FCRL2: variants seen among roughly 807,000 people sequenced by gnomAD.
FCRL2 encodes the protein Fc receptor like 2.
In FCRL2, 48 loss-of-function variants were observed where a neutral mutation model predicts 59.8. That is an observed-to-expected ratio of 0.80 (90% CI 0.64 to 1.02). FCRL2 has a LOEUF of 1.02. Among genes scored for constraint, FCRL2 ranks in the 50% least tolerant of loss-of-function variants. The pLI is 0.00. For synonymous variants in FCRL2, 251 were observed against 229.5 expected (o/e 1.09, Z -0.85); for missense variants, 658 against 597.3 (o/e 1.10, Z -1.06).
intron 7 of FCRL2, among the ~76,000 whole-genome samples, chr1:157,752,852 A>G (rs1648304781): frequency 6.6e-6 from 1 of 152,202 alleles, no homozygotes; most frequent in Non-Finnish European, 1.5e-5. Flanking sequence ...TAATCTCAAA[A>G]TTTAAGAGAA....
chr1:157,770,228 C>A, intron 3 of FCRL2, 78 bp from the exon 4 acceptor site: 2 of 1,536,030 alleles, frequency 1.3e-6, no homozygotes, highest in Non-Finnish European at 8.8e-7. Context: ...CAAGAAGCAA[C>A]CCCAGCAAAC....
Position 157,769,917 on chromosome 1 carries a change from C to T in FCRL2, c.544G>A (p.Val182Met), listed in dbSNP as rs755164058. Residue 182 changes from valine (V) to methionine (M), a missense_variant, in exon 4 of 12, where the codon GTG becomes ATG. Val to Met is a conservative substitution (Grantham distance 21). Coordinates refer to ENST00000361516, the MANE Select transcript of FCRL2 (RefSeq NM_030764.4). The part of the protein sequence containing the change: ...TGSYWCKAET[V>M]THRIRKQSLQ... ...CTCTGTTTTCTGATCCTGTGAGTCACCGTTTCTGCCTTGCACCAGTAAGAC... is the reference window on the plus strand; with the variant it reads ...CTCTGTTTTCTGATCCTGTGAGTCATCGTTTCTGCCTTGCACCAGTAAGAC... 2 of 1,614,192 alleles carry T rather than the reference C, an allele frequency of 1.2e-6. No homozygotes were observed. Among genetic ancestry groups the T allele is most frequent in the Non-Finnish European group, 1.7e-6 (2 of 1,180,020 alleles).
chr1:157,759,153 T>C (rs1306050353), intron 7 of FCRL2, among the ~76,000 whole-genome samples: 1 of 152,172 alleles, frequency 6.6e-6, no homozygotes, highest in Non-Finnish European at 1.5e-5. Context: ...TTTTCCCACT[T>C]TGCTTGGCAC....
At chr1:157,767,578 G>T in intron 5 of FCRL2, 69 bp from the exon 6 acceptor site, 1 of 1,614,212 alleles carries the variant, frequency 6.2e-7, no homozygotes, top group South Asian at 1.1e-5. Context: ...CTCCCAACCT[G>T]CAGGCTCAGC....
intron 2 of FCRL2, among the ~76,000 whole-genome samples, chr1:157,774,952 G>A (rs55905423): frequency 2.2e-3 from 336 of 152,212 alleles, no homozygotes; most frequent in African/African-American, 7.4e-3. Flanking sequence ...TGAAGATTCT[G>A]TATATAGAAT....
At chr1:157,760,532 G>T (rs1480025079) in intron 7 of FCRL2, among the ~76,000 whole-genome samples, 1 of 151,780 alleles carries the variant, frequency 6.6e-6, no homozygotes, top group Non-Finnish European at 1.5e-5. Context: ...GGAGGCTGAG[G>T]CGAGAAAATC....
chr1:157,757,702 C>G (rs1242037872), intron 7 of FCRL2, among the ~76,000 whole-genome samples: 1 of 152,222 alleles, frequency 6.6e-6, no homozygotes, highest in Non-Finnish European at 1.5e-5. Flanking sequence ...GAGGCTTACA[C>G]CTGTAATCCC....
At chr1:157,770,324 G>T in intron 3 of FCRL2, 85 bp downstream of exon 3, 1 of 1,505,752 alleles carries the variant, frequency 6.6e-7, no homozygotes. Context: ...TTTAGCCCAT[G>T]AGCAGCTTTC....
At chr1:157,751,161 C>A (rs549368145) in intron 7 of FCRL2, among the ~76,000 whole-genome samples, 1 of 152,122 alleles carries the variant, frequency 6.6e-6, no homozygotes, top group Non-Finnish European at 1.5e-5. Context: ...AAGATAAAAG[C>A]AGAATTCTAG....
At chr1:157,768,869 A>G in intron 4 of FCRL2, 168 bp from the exon 5 acceptor site, 1 of 692,528 alleles carries the variant, frequency 1.4e-6, no homozygotes, top group East Asian at 2.8e-5. Flanking sequence ...TCCTTCAGGA[A>G]TGTGGATAAA....
intron 7 of FCRL2, among the ~76,000 whole-genome samples, chr1:157,760,699 G>GAAAGAAAGAAGT (rs1648982682): frequency 5.5e-5 from 2 of 36,424 alleles, no homozygotes; most frequent in South Asian, 2.5e-3. Flanking sequence ...AAGAAAGAAG[G>GAAAGAAAGAAGT]AAAGAAAGAA....
At chr1:157,761,477 C>T (rs528413260) in intron 7 of FCRL2, among the ~76,000 whole-genome samples, 1 of 152,146 alleles carries the variant, frequency 6.6e-6, no homozygotes, top group Non-Finnish European at 1.5e-5. Context: ...GGTATGGTGA[C>T]ATGGGCCTGT....
At chr1:157,751,657 A>T (rs901796132) in intron 7 of FCRL2, among the ~76,000 whole-genome samples, 1 of 152,194 alleles carries the variant, frequency 6.6e-6, no homozygotes, top group South Asian at 2.1e-4. Flanking sequence ...CAAAGCTTGA[A>T]GCCATTTCAA....
chr1:157,756,615 C>T (rs1648607322), intron 7 of FCRL2, among the ~76,000 whole-genome samples: 1 of 151,662 alleles, frequency 6.6e-6, no homozygotes, highest in South Asian at 2.1e-4. Flanking sequence ...GGACATCAAG[C>T]CCGCAGTGAG....
intron 7 of FCRL2, among the ~76,000 whole-genome samples, chr1:157,762,077 C>G (rs1292535498): frequency 6.6e-6 from 1 of 152,172 alleles, no homozygotes; most frequent in Non-Finnish European, 1.5e-5. Context: ...TTGCCCTTCC[C>G]CTGACCATGC....
intron 8 of FCRL2, 68 bp downstream of exon 8, chr1:157,749,582 C>G (rs1648025340): frequency 9.2e-7 from 1 of 1,082,762 alleles, no homozygotes; most frequent in Non-Finnish European, 1.4e-6. Context: ...AAGCAGAGTA[C>G]AGTAGGTATT....
chr1:157,748,478 A>C (rs1647927832), intron 10 of FCRL2, 75 bp downstream of exon 10: 3 of 686,222 alleles, frequency 4.4e-6, no homozygotes, highest in Non-Finnish European at 6.9e-6. Flanking sequence ...ATAAATAAAT[A>C]AAGCCTCTAT....
At chr1:157,771,146 G>A (rs963607165) in intron 2 of FCRL2, among the ~76,000 whole-genome samples, 1 of 152,126 alleles carries the variant, frequency 6.6e-6, no homozygotes, top group Non-Finnish European at 1.5e-5. Context: ...CTGGGATTAG[G>A]GTTTCAACAT....
At chr1:157,768,336 G>T in intron 5 of FCRL2, 78 bp downstream of exon 5, 1 of 1,487,884 alleles carries the variant, frequency 6.7e-7, no homozygotes, top group Non-Finnish European at 9.1e-7. Context: ...GGGGCCTCCT[G>T]AAATTTCCTC....
Sources: allele counts gnomAD v4.1 joint callset (sites outside exome capture counted in the v4.1 genomes callset), GRCh38; gene constraint gnomAD v4.1.1; transcripts MANE v1.5; gene names NCBI Gene and HGNC (gene_info 2026-07-23, HGNC 2026-07-21).